The following EIF5B variants were observed in gnomAD, a reference collection of about 807,000 sequenced individuals.
The protein encoded by EIF5B is eukaryotic translation initiation factor 5B, also known as eIF-5B.
EIF5B carries 47 observed loss-of-function variants against 147.5 expected under a neutral mutation model. The ratio of observed to expected loss-of-function variants is 0.32; its 90% CI spans 0.25 to 0.41. The LOEUF (loss-of-function observed/expected upper bound fraction) is 0.41. EIF5B is among the 10% of genes least tolerant of loss of function. The pLI is 1.00. For synonymous variants in EIF5B, 455 were observed against 456.2 expected, an observed-to-expected ratio of 1.00 and a Z score of 0.03; for missense variants, 1,064 against 1,413.2, an observed-to-expected ratio of 0.75 and a Z score of 3.96.
At position 99,361,763 on chromosome 2, in the gene EIF5B, G is replaced by A; in HGVS notation, c.862G>A (p.Asp288Asn). Reference protein sequence around the residue: ...EETVKSKVTVDTGVIPASEEK... With the variant: ...EETVKSKVTVNTGVIPASEEK... ...AACTGTAAAATCCAAAGTGACTGTT[G>A]ATACTGGAGTAATTCCTGCCTCTGA... The change falls in exon 4 of 24, where the codon GAT (aspartate) becomes AAT (asparagine). Residue 288 changes from aspartate (D) to asparagine (N), a missense_variant. Asp to Asn is a conservative substitution (Grantham distance 23). Transcript: ENST00000289371. The A allele has an allele frequency of 6.3e-7, 1 of 1,580,286 alleles. No individual in the cohort carries two copies. The highest frequency in any genetic ancestry group is 1.4e-5 in the African/African-American group (1 of 72,724).
chr2:99,351,083 T>C (rs991214776), intron 1 of EIF5B, among the ~76,000 whole-genome samples: 6 of 152,240 alleles, frequency 3.9e-5, no homozygotes, highest in Non-Finnish European at 8.8e-5. Context: ...TCCCAGCACT[T>C]TGGGAGGCCA....
chr2:99,353,948 G>T (rs1574921526), intron 1 of EIF5B, among the ~76,000 whole-genome samples: 2 of 152,188 alleles, frequency 1.3e-5, no homozygotes, highest in African/African-American at 4.8e-5. Context: ...GGACATGTGG[G>T]TTGTTTCCAG....
chr2:99,338,173 GT>G (rs11326784), intron 1 of EIF5B: 398,065 of 476,682 alleles, frequency 0.84, 167,269 homozygotes, highest in East Asian at 0.96. Flanking sequence ...CTTCCGGCCT[GT>G]TTTTTTTTGT....
intron 1 of EIF5B, among the ~76,000 whole-genome samples, chr2:99,352,899 A>C (rs997696397): frequency 3.3e-5 from 5 of 150,854 alleles, no homozygotes; most frequent in African/African-American, 1.2e-4. Flanking sequence ...ATCATGGCTC[A>C]TCATAGCCTC....
intron 14 of EIF5B, among the ~76,000 whole-genome samples, chr2:99,384,045 A>C (rs1674746974): frequency 6.6e-6 from 1 of 151,502 alleles, no homozygotes; most frequent in Non-Finnish European, 1.5e-5. Flanking sequence ...AAAATACAAA[A>C]AGTTAGCCGG....
intron 14 of EIF5B, among the ~76,000 whole-genome samples, chr2:99,388,957 A>G (rs927628365): frequency 2.6e-5 from 4 of 152,338 alleles, no homozygotes; most frequent in Admixed American, 2.6e-4. Context: ...GTTAATTTCT[A>G]ATTACTAGTT....
chr2:99,364,460 T>A lies in EIF5B; in HGVS notation c.1288+39T>A. 4 of 1,534,810 alleles carry A rather than the reference T, an allele frequency of 2.6e-6. No homozygotes were observed. The South Asian group carries it at 3.9e-5, about 15-fold the overall frequency. On this transcript the variant is annotated intron_variant, in intron 6 of 23. Coordinates refer to ENST00000289371, the MANE Select transcript of EIF5B (RefSeq NM_015904.4). ...TTCATTAACTGAATGGTCAGAGAGC[T>A]CTGCACATGCAGTTATATCCCTTAA...
rs1267499243 is a variant in EIF5B, at chr2:99,400,636, A to C, written c.*1222A>C. 6.6e-6 allele frequency: 1 copy of C among 152,202 alleles called. No individual in the cohort carries two copies. The highest frequency in any genetic ancestry group is 1.5e-5 in the Non-Finnish European group (1 of 68,046). The allele number at this position is 152,202 out of a possible 1,614,324, so 9.4% of individuals were successfully genotyped here. A position where few individuals can be genotyped will look rare whatever the true frequency, so the allele number is the denominator to read the frequency against. ...ACACCACCTCTGATCTACGGGACAT[A>C]ATGTTCCCAGGAAAAAAATCTTCAA... On this transcript the variant is annotated 3_prime_UTR_variant, in exon 24 of 24. Coordinates refer to ENST00000289371, the MANE Select transcript of EIF5B (RefSeq NM_015904.4).
intron 13 of EIF5B, 76 bp downstream of exon 13, chr2:99,382,302 T>A: frequency 7.8e-7 from 1 of 1,284,640 alleles, no homozygotes; most frequent in Non-Finnish European, 1.1e-6. Context: ...GCAGAGTCAT[T>A]AACCTTTGAG....
chr2:99,364,443 C>T (rs754090651), intron 6 of EIF5B, 22 bp downstream of exon 6: 1 of 1,562,866 alleles, frequency 6.4e-7, no homozygotes, highest in Admixed American at 2.1e-5. Context: ...TCTTCATTAA[C>T]TGAATGGTCA....
intron 21 of EIF5B, among the ~76,000 whole-genome samples, chr2:99,395,306 A>C (rs979259802): frequency 6.6e-6 from 1 of 152,216 alleles, no homozygotes; most frequent in Non-Finnish European, 1.5e-5. Flanking sequence ...GTGGTAGAGG[A>C]GGCATCAGCA....
Position 99,360,481 on chromosome 2 carries a change from A to C in EIF5B, c.178A>C (p.Lys60Gln). The C allele has an allele frequency of 6.2e-7, 1 of 1,613,388 alleles. No individual in the cohort carries two copies. Among genetic ancestry groups the C allele is most frequent in the Non-Finnish European group, 8.5e-7 (1 of 1,179,704 alleles). The change falls in exon 3 of 24, where the codon AAA becomes CAA. Residue 60 changes from lysine (K) to glutamine (Q), a missense_variant. Transcript: ENST00000289371. Reference sequence around the variant, plus strand: ...CTTTTCTAGTGAAGATGATATCCTGAAAGAACTGGAAGAATTGTCTTTGGA... The same window carrying C: ...CTTTTCTAGTGAAGATGATATCCTGCAAGAACTGGAAGAATTGTCTTTGGA... ...KQDFDEDDIL[K>Q]ELEELSLEAQ...
intron 9 of EIF5B, among the ~76,000 whole-genome samples, chr2:99,372,369 A>G (rs1012920412): frequency 6.6e-6 from 1 of 152,002 alleles, no homozygotes; most frequent in Non-Finnish European, 1.5e-5. Context: ...ATGGAGTTTC[A>G]CACTTGTTGC....
chr2:99,355,311 A>G lies in EIF5B; in HGVS notation c.36-4925A>G, dbSNP rs569348269. Among the ~76,000 whole-genome samples, 6 of 152,128 alleles carry G rather than the reference A, an allele frequency of 3.9e-5. No homozygotes were observed. In the South Asian group the frequency reaches 1.2e-3, roughly 32 times the overall value. On this transcript the variant is annotated intron_variant, in intron 1 of 23. Coordinates refer to ENST00000289371, the MANE Select transcript of EIF5B (RefSeq NM_015904.4). ...TAAATATTAGAATAACCTTGTCTCTATTGGTTATGTCCTAAAAATCTTGCT... is the reference window on the plus strand; with the variant it reads ...TAAATATTAGAATAACCTTGTCTCTGTTGGTTATGTCCTAAAAATCTTGCT...
At position 99,363,838 on chromosome 2, in the gene EIF5B, A is replaced by G. The variant is rs1801875; in HGVS notation, c.1113A>G (p.Glu371=). The part of the protein sequence containing the change: ...EEEERIKRLE[E]LEAKRKEEER... ...AAGAACGTATAAAACGGCTTGAAGA[A>G]TTAGAAGCCAAGCGTAAAGAAGAGG... is the stretch of plus-strand genomic sequence containing the variant. Residue 371 remains glutamate, a synonymous_variant, in exon 5 of 24, where the codon GAA becomes GAG. Transcript: ENST00000289371. 14 of 1,609,220 alleles carry G rather than the reference A, an allele frequency of 8.7e-6. No homozygotes were observed. In the South Asian group the frequency reaches 1.6e-4, roughly 18 times the overall value.
In EIF5B at chr2:99,399,942, C is replaced by CTTTG. The variant is rs1286254512; in HGVS notation, c.*530_*533dup. 2 of 153,322 alleles carry CTTTG rather than the reference C, an allele frequency of 1.3e-5. No homozygotes were observed. Among genetic ancestry groups the CTTTG allele is most frequent in the Admixed American group, 1.3e-4 (2 of 15,404 alleles). The allele number at this position is 153,322 out of a possible 1,614,324, so 9.5% of individuals were successfully genotyped here. A position where few individuals can be genotyped will look rare whatever the true frequency, so the allele number is the denominator to read the frequency against. On this transcript the variant is annotated 3_prime_UTR_variant, in exon 24 of 24. Coordinates refer to ENST00000289371, the MANE Select transcript of EIF5B (RefSeq NM_015904.4). ...AGGCATTCTGATATTTCTTTAGCTG[C>CTTTG]TTTGTGTGAAACCATGGTGTAAAAG...
rs1030102197 is a variant in EIF5B, at chr2:99,376,592, A to G, written c.1798A>G (p.Thr600Ala). Residue 600 changes from threonine to alanine, a missense_variant, in exon 10 of 24, where the codon ACT becomes GCT. By Grantham distance (58) the Thr-to-Ala change is moderately conservative. This residue lies in a region of EIF5B where 195 missense variants were observed against 186.3 expected (regional missense o/e 1.05). Coordinates refer to ENST00000289371, the MANE Select transcript of EIF5B (RefSeq NM_015904.4). ...DSEYDSDDDR[T>A]KEERAYDKAK... ...TGAATATGACTCTGATGATGATCGG[A>G]CTAAAGAAGAAAGGGCTTATGACAA... The G allele has an allele frequency of 1.3e-5, 21 of 1,612,950 alleles. No individual in the cohort carries two copies. Among genetic ancestry groups the G allele is most frequent in the Non-Finnish European group, 1.8e-5 (21 of 1,179,720 alleles).
chr2:99,400,447 A>AG lies in EIF5B; in HGVS notation c.*1035dup. On this transcript the variant is annotated 3_prime_UTR_variant, in exon 24 of 24. Coordinates refer to ENST00000289371, the MANE Select transcript of EIF5B (RefSeq NM_015904.4). Reference sequence around the variant, plus strand: ...GAAGTCAGTGTGGGGTGTTTGTTTGAGGAAAAAGTTCCAAATATCCACTAG... The same window carrying AG: ...GAAGTCAGTGTGGGGTGTTTGTTTGAGGGAAAAAGTTCCAAATATCCACTAG... 6.6e-6 allele frequency: 1 copy of AG among 152,218 alleles called. No individual in the cohort carries two copies. The highest frequency in any genetic ancestry group is 1.5e-5 in the Non-Finnish European group (1 of 68,036). 9.4% of individuals were successfully genotyped at this position (152,218 alleles called of 1,614,324 possible).
chr2:99,363,494 C>G, intron 4 of EIF5B, 151 bp from the exon 5 acceptor site: 1 of 740,352 alleles, frequency 1.4e-6, no homozygotes, highest in Non-Finnish European at 2.3e-6. Context: ...TACCAAAGTG[C>G]TCAGGATGCC....
Sources: allele counts gnomAD v4.1 joint callset (sites outside exome capture counted in the v4.1 genomes callset), GRCh38; gene constraint gnomAD v4.1.1; regional missense constraint gnomAD v4.1.1; transcripts MANE v1.5; gene names NCBI Gene and HGNC (gene_info 2026-07-23, HGNC 2026-07-21).